NUP188: variants seen among roughly 807,000 people sequenced by gnomAD.
The protein encoded by NUP188 is nucleoporin 188, also known as nucleoporin NUP188.
NUP188 carries 97 observed loss-of-function variants against 223.0 expected under a neutral mutation model. That is an observed-to-expected ratio of 0.43 (90% confidence interval 0.37 to 0.51). The LOEUF (loss-of-function observed/expected upper bound fraction) is 0.51. NUP188 is among the 20% of genes least tolerant of loss of function. The pLI is 0.00. For synonymous variants in NUP188, 869 were observed against 828.0 expected, an observed-to-expected ratio of 1.05 and a Z score of -0.85; for missense variants, 1,947 against 2,175.6, an observed-to-expected ratio of 0.89 and a Z score of 2.09.
Position 129,003,347 on chromosome 9 carries a change from C to A in NUP188, c.4327C>A (p.Leu1443Met), listed in dbSNP as rs1295589762. 6.2e-7 allele frequency: 1 copy of A among 1,612,676 alleles called. No homozygotes were observed. Among genetic ancestry groups the A allele is most frequent in the Non-Finnish European group, 8.5e-7 (1 of 1,179,866 alleles). ...CAACGCAGTGAGGACAGTGCAGAGTCTGGCCTGCCTGGAGGAGGCGGACCA... is the reference window on the plus strand; with the variant it reads ...CAACGCAGTGAGGACAGTGCAGAGTATGGCCTGCCTGGAGGAGGCGGACCA... Reference protein sequence around the residue: ...CLNAVRTVQSLACLEEADHTV... With the variant: ...CLNAVRTVQSMACLEEADHTV... The change falls in exon 38 of 44, where the codon CTG (leucine) becomes ATG (methionine). Residue 1443 changes from leucine (L) to methionine (M), a missense_variant. Physicochemically the swap from Leu to Met is conservative, Grantham distance 15. Coordinates refer to ENST00000372577, the MANE Select transcript of NUP188 (RefSeq NM_015354.3).
At chr9:128,995,223 T>C (rs1035676748) in intron 29 of NUP188, 96 bp from the exon 30 acceptor site, 5 of 972,368 alleles carry the variant, frequency 5.1e-6, no homozygotes, top group African/African-American at 1.6e-5. Context: ...TTTAAGCCCA[T>C]GCAAGGTCGT....
chr9:128,988,719 A>ATTTTTTTTTTTTTT (rs528821221), intron 24 of NUP188, among the ~76,000 whole-genome samples: 1 of 72,858 alleles, frequency 1.4e-5, no homozygotes, highest in Non-Finnish European at 2.6e-5. Flanking sequence ...TAATTTTTTA[A>ATTTTTTTTTTTTTT]TTTTTTTTTT....
intron 24 of NUP188, 128 bp downstream of exon 24, chr9:128,988,314 G>A: frequency 9.7e-7 from 1 of 1,034,570 alleles, no homozygotes; most frequent in Non-Finnish European, 1.4e-6. Flanking sequence ...GGAAGTTTGG[G>A]AATGATTACC....
intron 8 of NUP188, among the ~76,000 whole-genome samples, chr9:128,961,201 G>A (rs1841945621): frequency 1.3e-5 from 2 of 151,196 alleles, no homozygotes; most frequent in South Asian, 2.1e-4. Context: ...ATGGTGGTGC[G>A]TGCCTGTAAT....
intron 36 of NUP188, 139 bp from the exon 37 acceptor site, chr9:129,002,678 C>T (rs1430651790): frequency 5.9e-6 from 5 of 852,746 alleles, no homozygotes; most frequent in South Asian, 3.6e-5. Flanking sequence ...CCTTTCTGGC[C>T]CTGGTGGCCA....
intron 2 of NUP188, among the ~76,000 whole-genome samples, chr9:128,950,129 G>T (rs1841761021): frequency 6.6e-6 from 1 of 151,816 alleles, no homozygotes; most frequent in African/African-American, 2.4e-5. Flanking sequence ...TGCCATGTTG[G>T]CCAGGTCGGT....
In NUP188 at chr9:128,993,138, G is replaced by A. The variant is rs1050392266; in HGVS notation, c.2641-59G>A. The stretch of plus-strand genomic sequence containing the variant: ...AGCTCTTCAGTGCCCTTCTGTGGGA[G>A]CCCATTGAGGTTTTTGTGGAAGCAG... On this transcript the variant is annotated intron_variant, in intron 25 of 43. Coordinates refer to ENST00000372577, the MANE Select transcript of NUP188 (RefSeq NM_015354.3). The A allele has an allele frequency of 5.0e-6, 7 of 1,405,578 alleles. No homozygotes were observed. The African/African-American group carries it at 7.1e-5, about 14-fold the overall frequency. 87.1% of individuals were successfully genotyped at this position (1,405,578 alleles called of 1,614,324 possible). A position where few individuals can be genotyped will look rare whatever the true frequency, so the allele number is the denominator to read the frequency against.
Position 128,987,601 on chromosome 9 carries a change from C to G in NUP188, c.2277C>G (p.Ser759Arg). Reference sequence around the variant, plus strand: ...CTCTGTCTTCCAGTCATACTCCCAGCCTGCAGTTTCTCTGCATCTGCAGCC... The same window carrying G: ...CTCTGTCTTCCAGTCATACTCCCAGGCTGCAGTTTCTCTGCATCTGCAGCC... ...ETDLHSSHTP[S>R]LQFLCICSLA... Residue 759 changes from serine (S) to arginine (R), a missense_variant, in exon 23 of 44, where the codon AGC (serine) becomes AGG (arginine). Coordinates refer to ENST00000372577, the MANE Select transcript of NUP188 (RefSeq NM_015354.3). 1 of 1,612,796 alleles carries G rather than the reference C, an allele frequency of 6.2e-7. No individual in the cohort carries two copies. Among genetic ancestry groups the G allele is most frequent in the Non-Finnish European group, 8.5e-7 (1 of 1,179,404 alleles).
chr9:128,970,297 A>AT (rs755530276), intron 10 of NUP188, among the ~76,000 whole-genome samples: 6 of 152,148 alleles, frequency 3.9e-5, no homozygotes, highest in Non-Finnish European at 8.8e-5. Flanking sequence ...TACCAAGGTG[A>AT]TAATTGAGTC....
intron 2 of NUP188, among the ~76,000 whole-genome samples, chr9:128,951,712 A>G (rs1255266643): frequency 1.3e-5 from 2 of 152,160 alleles, no homozygotes; most frequent in Admixed American, 6.6e-5. Flanking sequence ...TGTATTCAAA[A>G]TGATTTCAAC....
chr9:128,998,788 C>G (rs779365936), intron 32 of NUP188, among the ~76,000 whole-genome samples, 165 bp downstream of exon 32: 13 of 151,650 alleles, frequency 8.6e-5, no homozygotes, highest in Non-Finnish European at 1.0e-4. Flanking sequence ...TGGTGGATAT[C>G]CTGAGATGGA....
At chr9:128,995,670 T>TG (rs1022316376) in intron 30 of NUP188, among the ~76,000 whole-genome samples, 156 bp downstream of exon 30, 1 of 152,110 alleles carries the variant, frequency 6.6e-6, no homozygotes, top group African/African-American at 2.4e-5. Flanking sequence ...ATTGGGACTG[T>TG]GGGGTATTTG....
chr9:128,947,771 G>C lies in NUP188; in HGVS notation c.32+20G>C. On this transcript the variant is annotated intron_variant, in intron 1 of 43. Transcript: ENST00000372577. ...TGTGAGGTGCGGAGCGGGTCGAATG[G>C]ACCGGGGTGGCTGTGAAGCGCGGTG... 1 of 1,418,052 alleles carries C rather than the reference G, an allele frequency of 7.1e-7. No homozygotes were observed. The highest frequency in any genetic ancestry group is 1.5e-5 in the South Asian group (1 of 67,022). 87.8% of individuals were successfully genotyped at this position (1,418,052 alleles called of 1,614,324 possible).
At chr9:128,959,439 G>A (rs186298929) in intron 8 of NUP188, among the ~76,000 whole-genome samples, 148 of 151,786 alleles carry the variant, frequency 9.8e-4, no homozygotes, top group Admixed American at 4.6e-3. Flanking sequence ...ACTACACCTG[G>A]CCTATAACTC....
chr9:128,993,812 G>A lies in NUP188; in HGVS notation c.3017+118G>A, dbSNP rs537194388. 135 of 848,118 alleles carry A rather than the reference G, an allele frequency of 1.6e-4. No homozygotes were observed. The East Asian group carries it at 3.5e-3, about 22-fold the overall frequency. The allele number at this position is 848,118 out of a possible 1,614,324, so 52.5% of individuals were successfully genotyped here. On this transcript the variant is annotated intron_variant, in intron 27 of 43. Coordinates refer to ENST00000372577, the MANE Select transcript of NUP188 (RefSeq NM_015354.3). ...CTGGGAATAAGAGTGCTTAGTCCTG[G>A]TTCAATACCTGGGAGTTTTACACTA...
intron 22 of NUP188, among the ~76,000 whole-genome samples, 172 bp from the exon 23 acceptor site, chr9:128,987,417 T>C (rs1259098453): frequency 1.3e-5 from 2 of 152,184 alleles, no homozygotes; most frequent in Non-Finnish European, 2.9e-5. Flanking sequence ...GGGTGATCTT[T>C]AGGTGATCAA....
chr9:128,974,126 T>A (rs1195305499), intron 12 of NUP188, among the ~76,000 whole-genome samples: 1 of 151,938 alleles, frequency 6.6e-6, no homozygotes, highest in Non-Finnish European at 1.5e-5. Flanking sequence ...GGCCAGCTGG[T>A]CCCAAACTCC....
chr9:128,990,331 T>C, intron 25 of NUP188, 105 bp downstream of exon 25: 2 of 909,532 alleles, frequency 2.2e-6, no homozygotes, highest in South Asian at 1.3e-5. Context: ...AACGCCTGTA[T>C]ATAATTCCAG....
rs1034145454 is a variant in NUP188 at position 128,998,721 on chromosome 9, C to A, written c.3515+98C>A. On this transcript the variant is annotated intron_variant, in intron 32 of 43. Transcript: ENST00000372577. ...GGAGAAATAGTGGGTGGAAGCTGGGCTGGTTTTCCATCTTGAGGAATGGGA... is the reference window on the plus strand; with the variant it reads ...GGAGAAATAGTGGGTGGAAGCTGGGATGGTTTTCCATCTTGAGGAATGGGA... 7.0e-5 allele frequency: 69 copies of A among 979,046 alleles called. No individual in the cohort carries two copies. In the South Asian group the frequency reaches 7.9e-4, roughly 11 times the overall value. 60.6% of individuals were successfully genotyped at this position (979,046 alleles called of 1,614,324 possible).
Sources: gnomAD v4.1 joint callset for allele counts (sites outside exome capture counted in the v4.1 genomes callset) on GRCh38, gnomAD v4.1.1 for gene constraint, MANE v1.5 for transcripts, NCBI Gene and HGNC (gene_info 2026-07-23, HGNC 2026-07-21) for gene names.